MS4A4E: variants seen among roughly 807,000 people sequenced by gnomAD.
MS4A4E encodes the protein membrane spanning 4-domains A4E, also known as putative membrane-spanning 4-domains subfamily A member 4E.
MS4A4E carries 23 observed loss-of-function variants against 13.3 expected under a neutral mutation model. The ratio of observed to expected loss-of-function variants is 1.73; its 90% CI spans 1.25 to 2.45. The LOEUF (loss-of-function observed/expected upper bound fraction) is 2.45. Among genes scored for constraint, MS4A4E ranks in the 30% most tolerant of loss-of-function variants. The probability of loss-of-function intolerance (pLI) is 0.00; values close to 1 mark genes in which losing one functional copy is unlikely to be tolerated. For missense variants in MS4A4E, 144 were observed against 131.2 expected (o/e 1.10, Z -0.48); for synonymous variants, 36 against 45.6 (o/e 0.79, Z 0.85).
At chr11:60,224,986 G>A (rs1441404937) in intron 3 of MS4A4E, 1 of 1,531,678 alleles carries the variant, frequency 6.5e-7, no homozygotes, top group East Asian at 2.4e-5. Context: ...CCCAAATTGT[G>A]TACGCAACAT....
chr11:60,217,513 T>C (rs549765111), intron 3 of MS4A4E, among the ~76,000 whole-genome samples: 45 of 152,198 alleles, frequency 3.0e-4, no homozygotes, highest in Non-Finnish European at 5.9e-4. Context: ...TCTAAGGAGA[T>C]AAACCCTGCG....
intron 3 of MS4A4E, among the ~76,000 whole-genome samples, chr11:60,215,233 T>C (rs559167275): frequency 1.3e-5 from 2 of 151,978 alleles, no homozygotes; most frequent in South Asian, 4.1e-4. Context: ...ACTGGACTAA[T>C]AAAATAGCTC....
intron 3 of MS4A4E, among the ~76,000 whole-genome samples, chr11:60,228,182 G>A (rs953590977): frequency 6.6e-6 from 1 of 152,054 alleles, no homozygotes; most frequent in African/African-American, 2.4e-5. Flanking sequence ...GAAGGTATTT[G>A]CAAAAAACAT....
At chr11:60,226,209 A>G (rs1187171805) in intron 3 of MS4A4E, among the ~76,000 whole-genome samples, 2 of 151,982 alleles carry the variant, frequency 1.3e-5, no homozygotes, top group Non-Finnish European at 2.9e-5. Flanking sequence ...GAATTCTACC[A>G]AACACTTGAA....
intron 3 of MS4A4E, chr11:60,225,105 G>T (rs755505798): frequency 1.3e-6 from 2 of 1,511,278 alleles, no homozygotes; most frequent in Middle Eastern, 1.7e-4. Context: ...TAGAAATGAT[G>T]AAAGCAAAAA....
In MS4A4E at chr11:60,200,959, G is replaced by A. The variant is rs1489714134; in HGVS notation, c.*584C>T. Among the ~76,000 whole-genome samples, 3 of 147,820 alleles carry A rather than the reference G, an allele frequency of 2.0e-5. No individual in the cohort carries two copies. The highest frequency in any genetic ancestry group is 2.2e-4 in the South Asian group (1 of 4,644). On this transcript the variant is annotated 3_prime_UTR_variant, in exon 9 of 9. Transcript: ENST00000651255. ...TCCCTCCCGGACGGGGCGGCTGGCC[G>A]GGTGGGGGGCTGAACCCCCCACCTC...
chr11:60,209,820 G>A (rs919218635), intron 5 of MS4A4E, among the ~76,000 whole-genome samples: 19 of 152,290 alleles, frequency 1.2e-4, no homozygotes, highest in South Asian at 2.1e-4. Context: ...CCTCTGTTGC[G>A]GAAGAGCCAA....
At chr11:60,240,315 A>C (rs924024962) in intron 1 of MS4A4E, among the ~76,000 whole-genome samples, 13 of 152,184 alleles carry the variant, frequency 8.5e-5, no homozygotes, top group Non-Finnish European at 1.6e-4. Context: ...AATTCTACGC[A>C]ACCATTTTTT....
intron 1 of MS4A4E, among the ~76,000 whole-genome samples, chr11:60,234,366 C>G (rs755717360): frequency 6.6e-6 from 1 of 152,042 alleles, no homozygotes; most frequent in African/African-American, 2.4e-5. Flanking sequence ...ATTTCACTGT[C>G]CCCTCTAAAA....
At chr11:60,203,040 A>G (rs118057597) in intron 8 of MS4A4E, among the ~76,000 whole-genome samples, 1,566 of 152,300 alleles carry the variant, frequency 0.01, 9 homozygotes, top group Non-Finnish European at 0.016. Context: ...TGTGTCCCAT[A>G]TGGACATTAC....
intron 1 of MS4A4E, among the ~76,000 whole-genome samples, chr11:60,241,304 G>C (rs150786089): frequency 4.6e-5 from 7 of 152,192 alleles, no homozygotes; most frequent in African/African-American, 1.7e-4. Flanking sequence ...AATTACAGGC[G>C]TGAGCCACCG....
chr11:60,235,610 A>T (rs2084472606), intron 1 of MS4A4E, among the ~76,000 whole-genome samples: 1 of 152,162 alleles, frequency 6.6e-6, no homozygotes, highest in South Asian at 2.1e-4. Context: ...GGAAGACTGG[A>T]TATCTTCTAT....
intron 3 of MS4A4E, among the ~76,000 whole-genome samples, chr11:60,227,631 CT>C (rs1358299936): frequency 2.6e-5 from 4 of 151,980 alleles, no homozygotes; most frequent in African/African-American, 9.7e-5. Flanking sequence ...AGGCAAAAGA[CT>C]TAGAATAACA....
chr11:60,217,009 G>T (rs908224145), intron 3 of MS4A4E, among the ~76,000 whole-genome samples: 1 of 151,970 alleles, frequency 6.6e-6, no homozygotes, highest in South Asian at 2.1e-4. Context: ...ACAGATTTTG[G>T]TACCAGGAGA....
At chr11:60,239,358 T>C (rs908826137) in intron 1 of MS4A4E, among the ~76,000 whole-genome samples, 2 of 152,214 alleles carry the variant, frequency 1.3e-5, no homozygotes, top group African/African-American at 2.4e-5. Flanking sequence ...CTTCCTACTA[T>C]CACTTACTCA....
intron 4 of MS4A4E, among the ~76,000 whole-genome samples, chr11:60,213,581 T>A (rs531677618): frequency 2.3e-4 from 35 of 152,350 alleles, no homozygotes; most frequent in African/African-American, 8.2e-4. Flanking sequence ...TTTATAAGTA[T>A]TAAAATTACA....
At chr11:60,223,873 T>C (rs1207668274) in intron 3 of MS4A4E, among the ~76,000 whole-genome samples, 1 of 152,136 alleles carries the variant, frequency 6.6e-6, no homozygotes, top group African/African-American at 2.4e-5. Flanking sequence ...TGTGACTCAA[T>C]ACTCCCTAAT....
chr11:60,218,650 AGACAATGTTGATTCTCCTTAG>A (rs2084227799), intron 3 of MS4A4E, among the ~76,000 whole-genome samples: 2 of 152,108 alleles, frequency 1.3e-5, no homozygotes, highest in African/African-American at 4.8e-5. Context: ...TTGCCAAGCA[AGACAATGTTGATTCTCCTTAG>A]GACCCACTCC....
chr11:60,230,104 C>T (rs758630060), intron 1 of MS4A4E, 33 bp from the exon 2 acceptor site: 3 of 1,537,598 alleles, frequency 2.0e-6, no homozygotes, highest in East Asian at 2.4e-5. Flanking sequence ...GGATGAGGTC[C>T]TGGAAATGAC....
Sources: allele counts gnomAD v4.1 joint callset (sites outside exome capture counted in the v4.1 genomes callset), GRCh38; gene constraint gnomAD v4.1.1; transcripts MANE v1.5; gene names NCBI Gene and HGNC (gene_info 2026-07-23, HGNC 2026-07-21).